RALGAPA2: variants seen among roughly 807,000 people sequenced by gnomAD.
RALGAPA2 encodes Ral GTPase activating protein catalytic subunit alpha 2, also known as ral GTPase-activating protein subunit alpha-2.
RALGAPA2 carries 139 observed loss-of-function variants against 230.4 expected under a neutral mutation model. The ratio of observed to expected loss-of-function variants is 0.60; its 90% CI spans 0.53 to 0.69. The LOEUF (loss-of-function observed/expected upper bound fraction) is 0.69, where lower values mean the gene tolerates loss of function less well. Among genes scored for constraint, RALGAPA2 ranks in the 30% least tolerant of loss-of-function variants. RALGAPA2 has a pLI of 0.00. For missense variants in RALGAPA2, 2,163 were observed against 2,276.0 expected (o/e 0.95, Z 1.01); for synonymous variants, 847 against 837.8 (o/e 1.01, Z -0.19).
intron 3 of RALGAPA2, among the ~76,000 whole-genome samples, chr20:20,670,122 A>G (rs1241377345): frequency 2.0e-5 from 3 of 152,244 alleles, no homozygotes; most frequent in Non-Finnish European, 4.4e-5. Context: ...TTTATACTCC[A>G]TGAGGACGGG....
Position 20,605,227 on chromosome 20 carries a change from GT to G in RALGAPA2, c.1985del (p.Asn662ThrfsTer7). Reference protein sequence around the residue: ...ARTVYGVEMTNLPLDKLSEQK... With the variant: ...ARTVYGVEMTXLPLDKLSEQK... ...GTTCACTTAATTTATCCAGAGGTAG[GT>G]TTGTCATCTCAACTCCATAAACGGT... On this transcript the variant is annotated frameshift_variant, in exon 15 of 40. Coordinates refer to ENST00000202677, the MANE Select transcript of RALGAPA2 (RefSeq NM_020343.4). LOFTEE classifies it high-confidence loss of function. The G allele has an allele frequency of 1.2e-6, 2 of 1,613,792 alleles. No individual in the cohort carries two copies. The highest frequency in any genetic ancestry group is 1.7e-6 in the Non-Finnish European group (2 of 1,179,780).
At chr20:20,417,971 G>A (rs1026715447) in intron 37 of RALGAPA2, among the ~76,000 whole-genome samples, 2 of 152,194 alleles carry the variant, frequency 1.3e-5, no homozygotes, top group Non-Finnish European at 2.9e-5. Context: ...TTATGACCTT[G>A]GGGTATGGAA....
chr20:20,465,149 T>TCACACACACACACACACACACA lies in RALGAPA2; in HGVS notation c.5495+7658_5495+7679dup, dbSNP rs74180992. 3.2e-3 allele frequency among the ~76,000 whole-genome samples: 351 copies of TCACACACACACACACACACACA among 109,214 alleles called. 13 individuals carry two copies. The highest frequency in any genetic ancestry group is 0.013 in the East Asian group (42 of 3,242). The allele number at this position is 109,214 out of a possible 152,430, so 71.6% of individuals were successfully genotyped here. On this transcript the variant is annotated intron_variant, in intron 37 of 39. Coordinates refer to ENST00000202677, the MANE Select transcript of RALGAPA2 (RefSeq NM_020343.4). ...GCTTCTTCCCTCCCCCCGCAGGCCT[T>TCACACACACACACACACACACA]CACACACACACACACACACACACAC...
chr20:20,411,981 C>A, intron 38 of RALGAPA2, 46 bp downstream of exon 38: 2 of 1,607,960 alleles, frequency 1.2e-6, no homozygotes, highest in South Asian at 2.2e-5. Context: ...ATCTGCTGCT[C>A]GAATGCGTCT....
chr20:20,501,490 A>G (rs1381734746), intron 35 of RALGAPA2, among the ~76,000 whole-genome samples: 2 of 152,240 alleles, frequency 1.3e-5, no homozygotes, highest in Non-Finnish European at 2.9e-5. Context: ...CTCAGCCTTC[A>G]TAAAATTTAA....
chr20:20,672,969 G>A (rs1012825449), intron 3 of RALGAPA2, among the ~76,000 whole-genome samples: 29 of 152,200 alleles, frequency 1.9e-4, no homozygotes, highest in African/African-American at 5.5e-4. Context: ...CGGATCACAA[G>A]GTCAAGAGAT....
intron 36 of RALGAPA2, among the ~76,000 whole-genome samples, chr20:20,482,816 G>A (rs573277704): frequency 1.3e-5 from 2 of 152,254 alleles, no homozygotes; most frequent in South Asian, 2.1e-4. Flanking sequence ...AGGTATGTAC[G>A]GAAATGCATA....
rs150267279 is a variant in RALGAPA2 at position 20,421,436 on chromosome 20, T to G, written c.5496-9288A>C. Among the ~76,000 whole-genome samples, 278 of 152,204 alleles carry G rather than the reference T, an allele frequency of 1.8e-3. 1 individual carries two copies. Among genetic ancestry groups the G allele is most frequent in the African/African-American group, 6.5e-3 (271 of 41,532 alleles). On this transcript the variant is annotated intron_variant, in intron 37 of 39. Coordinates refer to ENST00000202677, the MANE Select transcript of RALGAPA2 (RefSeq NM_020343.4). ...CTGTAATCCCAGCACTTTGGAAGGCTGAGGTGGGCGGATCACCTGAGGTCA... is the reference window on the plus strand; with the variant it reads ...CTGTAATCCCAGCACTTTGGAAGGCGGAGGTGGGCGGATCACCTGAGGTCA...
chr20:20,427,699 C>T (rs1294496548), intron 37 of RALGAPA2, among the ~76,000 whole-genome samples: 3 of 152,018 alleles, frequency 2.0e-5, no homozygotes, highest in Admixed American at 1.3e-4. Context: ...TACCAGTGAC[C>T]GCACAGGTTG....
chr20:20,408,494 T>C (rs2059991470), intron 38 of RALGAPA2, among the ~76,000 whole-genome samples: 1 of 152,270 alleles, frequency 6.6e-6, no homozygotes, highest in Non-Finnish European at 1.5e-5. Flanking sequence ...AGATTTACAC[T>C]ATTTATATCT....
At chr20:20,486,158 A>C (rs936803619) in intron 36 of RALGAPA2, among the ~76,000 whole-genome samples, 5 of 152,234 alleles carry the variant, frequency 3.3e-5, no homozygotes, top group East Asian at 1.9e-4. Flanking sequence ...AATAAAAAAA[A>C]CAGATTTCAT....
chr20:20,629,603 C>G lies in RALGAPA2; in HGVS notation c.1006-13G>C. Reference sequence around the variant, plus strand: ...CACCACCAACAGTCTGGAAGAAAGTCAGCACACTTCTCAATGATGCTCACC... The same window carrying G: ...CACCACCAACAGTCTGGAAGAAAGTGAGCACACTTCTCAATGATGCTCACC... On this transcript the variant is annotated splice_polypyrimidine_tract_variant and intron_variant, in intron 9 of 39. Transcript: ENST00000202677. The G allele has an allele frequency of 6.2e-7, 1 of 1,611,752 alleles. No individual in the cohort carries two copies. Among genetic ancestry groups the G allele is most frequent in the Non-Finnish European group, 8.5e-7 (1 of 1,179,100 alleles).
intron 1 of RALGAPA2, among the ~76,000 whole-genome samples, chr20:20,705,115 T>C (rs1412668642): frequency 6.6e-6 from 1 of 152,212 alleles, no homozygotes; most frequent in Admixed American, 6.5e-5. Flanking sequence ...TACCAAACCA[T>C]AAATCCTGGG....
intron 1 of RALGAPA2, among the ~76,000 whole-genome samples, chr20:20,687,889 GAC>G (rs1235198428): frequency 6.6e-6 from 1 of 152,164 alleles, no homozygotes; most frequent in Non-Finnish European, 1.5e-5. Flanking sequence ...CTTGCCCACT[GAC>G]ACAAACTTTC....
At chr20:20,642,121 G>A (rs1350431273) in intron 5 of RALGAPA2, among the ~76,000 whole-genome samples, 2 of 63,364 alleles carry the variant, frequency 3.2e-5, no homozygotes, top group Non-Finnish European at 6.4e-5. Context: ...GGGGAGGGGA[G>A]GGGAGGGGAG....
At chr20:20,474,210 C>T (rs988429217) in intron 36 of RALGAPA2, among the ~76,000 whole-genome samples, 13 of 152,090 alleles carry the variant, frequency 8.5e-5, no homozygotes, top group Admixed American at 3.9e-4. Flanking sequence ...GAACATCTAA[C>T]GGAAGAACAT....
chr20:20,628,877 C>T (rs1244167747), intron 10 of RALGAPA2, among the ~76,000 whole-genome samples: 1 of 152,126 alleles, frequency 6.6e-6, no homozygotes, highest in Non-Finnish European at 1.5e-5. Flanking sequence ...CCCCTTGCCA[C>T]CTACCTTTTT....
At chr20:20,500,054 A>G (rs2123657100) in intron 35 of RALGAPA2, among the ~76,000 whole-genome samples, 1 of 152,352 alleles carries the variant, frequency 6.6e-6, no homozygotes, top group South Asian at 2.1e-4. Flanking sequence ...TATATTAATA[A>G]AAAAATTTTA....
At chr20:20,534,537 G>C (rs1472174866) in intron 26 of RALGAPA2, among the ~76,000 whole-genome samples, 1 of 151,356 alleles carries the variant, frequency 6.6e-6, no homozygotes, top group Non-Finnish European at 1.5e-5. Context: ...AGAAAAGTTT[G>C]GTTTATCAGT....
Sources: gnomAD v4.1 joint callset for allele counts (sites outside exome capture counted in the v4.1 genomes callset) on GRCh38, gnomAD v4.1.1 for gene constraint, MANE v1.5 for transcripts, NCBI Gene and HGNC (gene_info 2026-07-23, HGNC 2026-07-21) for gene names.